LINGO2: variants seen among roughly 807,000 people sequenced by gnomAD.
The protein encoded by LINGO2 is leucine-rich repeat and immunoglobulin-like domain-containing nogo receptor-interacting protein 2.
Under a neutral mutation model 30.6 loss-of-function variants are expected in LINGO2, and 14 were observed. That is an observed-to-expected ratio of 0.46 (90% CI 0.30 to 0.72). LINGO2 has a LOEUF of 0.72. LINGO2 is among the 30% of genes least tolerant of loss of function. The probability of loss-of-function intolerance (pLI) is 0.07; values close to 1 mark genes in which losing one functional copy is unlikely to be tolerated. For missense variants in LINGO2, 729 were observed against 751.7 expected (o/e 0.97, Z 0.35); for synonymous variants, 317 against 288.5 (o/e 1.10, Z -1.00).
At chr9:28,196,949 T>A (rs555511899) in intron 4 of LINGO2, among the ~76,000 whole-genome samples, 1 of 152,010 alleles carries the variant, frequency 6.6e-6, no homozygotes, top group South Asian at 2.1e-4. Context: ...GGTACAAAAC[T>A]ACAGTCAGAA....
chr9:28,207,211 T>TGGG (rs1461975638), intron 4 of LINGO2, among the ~76,000 whole-genome samples: 2 of 152,148 alleles, frequency 1.3e-5, no homozygotes, highest in Non-Finnish European at 2.9e-5. Flanking sequence ...AAACTCAAAG[T>TGGG]ACTTTCAGGT....
At chr9:29,195,232 G>A in the LINGO2 span, among the ~76,000 whole-genome samples, 427 of 152,102 alleles carry the variant, frequency 2.8e-3, 5 homozygotes, top group African/African-American at 9.5e-3. Flanking sequence ...TGTATTCTAC[G>A]CAGTGGATAC....
the LINGO2 span, among the ~76,000 whole-genome samples, chr9:29,169,103 G>A: frequency 0.048 from 7,217 of 151,746 alleles, 550 homozygotes; most frequent in African/African-American, 0.16. Flanking sequence ...ATGCACCACC[G>A]CACCTGGCTA....
intron 3 of LINGO2, among the ~76,000 whole-genome samples, chr9:28,366,523 A>C (rs1820683868): frequency 6.6e-6 from 1 of 152,194 alleles, no homozygotes; most frequent in Non-Finnish European, 1.5e-5. Context: ...AAAGAAGCTA[A>C]CACATTTCTT....
the LINGO2 span, among the ~76,000 whole-genome samples, chr9:28,721,987 A>T: frequency 1.3e-5 from 2 of 152,078 alleles, no homozygotes; most frequent in Admixed American, 6.6e-5. Flanking sequence ...AAAAATGGGA[A>T]AATCTTCATG....
At chr9:28,186,410 G>A (rs142450287) in intron 4 of LINGO2, among the ~76,000 whole-genome samples, 176 of 152,256 alleles carry the variant, frequency 1.2e-3, no homozygotes, top group African/African-American at 4.1e-3. Context: ...GGTCTTTTGC[G>A]AGCCAAGTAC....
At chr9:28,143,597 A>C (rs571763868) in intron 4 of LINGO2, among the ~76,000 whole-genome samples, 2 of 152,252 alleles carry the variant, frequency 1.3e-5, no homozygotes, top group East Asian at 1.9e-4. Flanking sequence ...CAACCTTTTT[A>C]ATATGGACTG....
the LINGO2 span, among the ~76,000 whole-genome samples, chr9:28,865,298 G>C: frequency 6.6e-6 from 1 of 152,078 alleles, no homozygotes; most frequent in African/African-American, 2.4e-5. Flanking sequence ...AGAATAATGA[G>C]GCAACCTGTC....
the LINGO2 span, among the ~76,000 whole-genome samples, chr9:29,041,526 T>C: frequency 2.6e-5 from 4 of 151,910 alleles, no homozygotes; most frequent in Non-Finnish European, 5.9e-5. Context: ...AACTCAGAAG[T>C]AGACACCCAA....
chr9:29,196,686 C>A, the LINGO2 span, among the ~76,000 whole-genome samples: 1 of 151,732 alleles, frequency 6.6e-6, no homozygotes, highest in Non-Finnish European at 1.5e-5. Context: ...AATACTAACC[C>A]AAAGTAACTA....
the LINGO2 span, among the ~76,000 whole-genome samples, chr9:29,173,601 G>T: frequency 2.6e-5 from 4 of 151,948 alleles, no homozygotes; most frequent in Non-Finnish European, 4.4e-5. Flanking sequence ...ATGTCTCTTC[G>T]TCTTAAATAT....
rs1230276728 is a variant in LINGO2, at chr9:28,048,565, G to A, written c.-86-36160C>T. ...TTTATTTATAGTGATCTTATAAATT[G>A]GCATACCTCTTTTGGACAGTAATTA... is the stretch of plus-strand genomic sequence containing the variant. On this transcript the variant is annotated intron_variant, in intron 4 of 5. Transcript: ENST00000379992. 8.6e-5 allele frequency among the ~76,000 whole-genome samples: 13 copies of A among 150,612 alleles called. No homozygotes were observed. The Admixed American group carries it at 8.7e-4, about 10-fold the overall frequency.
At chr9:28,016,947 T>C (rs1822871768) in intron 4 of LINGO2, among the ~76,000 whole-genome samples, 1 of 152,074 alleles carries the variant, frequency 6.6e-6, no homozygotes, top group South Asian at 2.1e-4. Flanking sequence ...CTCAACAAAA[T>C]ACTAGCAAAC....
chr9:29,056,694 T>C, the LINGO2 span, among the ~76,000 whole-genome samples: 727 of 152,318 alleles, frequency 4.8e-3, 10 homozygotes, highest in African/African-American at 0.016. Context: ...TTTCCAATGT[T>C]ATCTTTCAGG....
At chr9:28,549,259 T>A (rs1587840430) in intron 1 of LINGO2, among the ~76,000 whole-genome samples, 1 of 152,258 alleles carries the variant, frequency 6.6e-6, no homozygotes, top group East Asian at 1.9e-4. Context: ...AACTGGTTTT[T>A]ATGAAGCAAC....
chr9:28,470,935 A>C (rs1416584593), intron 2 of LINGO2, among the ~76,000 whole-genome samples: 1 of 148,150 alleles, frequency 6.7e-6, no homozygotes, highest in Non-Finnish European at 1.5e-5. Flanking sequence ...GTAATATATA[A>C]CATATATATT....
intron 1 of LINGO2, among the ~76,000 whole-genome samples, chr9:28,647,016 A>C (rs951082897): frequency 2.0e-5 from 3 of 152,092 alleles, no homozygotes; most frequent in African/African-American, 7.2e-5. Context: ...CTGTGCCTAG[A>C]TTATCTTTAG....
chr9:28,228,476 C>G lies in LINGO2; in HGVS notation c.-87+66732G>C, dbSNP rs543648381. ...TGGTTTAAGTATCTATAATTCCTTA[C>G]AGGAAAATGTTGGGATTTGAAACTT... On this transcript the variant is annotated intron_variant, in intron 4 of 5. Transcript: ENST00000379992. Among the ~76,000 whole-genome samples, 5 of 152,016 alleles carry G rather than the reference C, an allele frequency of 3.3e-5. No individual in the cohort carries two copies. In the South Asian group the frequency reaches 1.0e-3, roughly 32 times the overall value.
chr9:28,315,318 T>C (rs1458153871), intron 3 of LINGO2, among the ~76,000 whole-genome samples: 1 of 151,792 alleles, frequency 6.6e-6, no homozygotes, highest in Non-Finnish European at 1.5e-5. Context: ...GGCAGAGAAT[T>C]TCTTAACCCG....
Sources: gnomAD v4.1 joint callset for allele counts (sites outside exome capture counted in the v4.1 genomes callset) on GRCh38, gnomAD v4.1.1 for gene constraint, MANE v1.5 for transcripts, NCBI Gene and HGNC (gene_info 2026-07-23, HGNC 2026-07-21) for gene names.